Variants in NFIA observed in about 807,000 individuals in gnomAD.
NFIA encodes the protein nuclear factor 1 A-type.
Under a neutral mutation model 62.8 loss-of-function variants are expected in NFIA, and 8 were observed. That is an observed-to-expected ratio of 0.13 (90% confidence interval 0.07 to 0.23). NFIA has a LOEUF of 0.23. Among genes scored for constraint, NFIA ranks in the 10% least tolerant of loss-of-function variants. NFIA has a pLI of 1.00. For synonymous variants in NFIA, 235 were observed against 238.1 expected, an observed-to-expected ratio of 0.99 and a Z score of 0.12; for missense variants, 410 against 642.1, an observed-to-expected ratio of 0.64 and a Z score of 3.91.
chr1:61,368,751 G>T (rs1216273000), intron 6 of NFIA, among the ~76,000 whole-genome samples: 1 of 152,044 alleles, frequency 6.6e-6, no homozygotes, highest in Admixed American at 6.6e-5. Flanking sequence ...TCCTTTTTAG[G>T]GGGTAAATAC....
At chr1:61,186,433 C>T (rs922468102) in intron 2 of NFIA, among the ~76,000 whole-genome samples, 17 of 152,112 alleles carry the variant, frequency 1.1e-4, no homozygotes, top group African/African-American at 3.9e-4. Context: ...GGCAGTGTGG[C>T]GGCTCAGTAC....
At chr1:61,144,745 C>T (rs1326695600) in intron 2 of NFIA, among the ~76,000 whole-genome samples, 1 of 152,156 alleles carries the variant, frequency 6.6e-6, no homozygotes, top group Admixed American at 6.5e-5. Context: ...TCTCCAGGAT[C>T]CAGCACCTGG....
intron 2 of NFIA, among the ~76,000 whole-genome samples, chr1:61,151,074 G>A (rs760514549): frequency 1.3e-5 from 2 of 152,164 alleles, no homozygotes; most frequent in Non-Finnish European, 2.9e-5. Flanking sequence ...TTAGGCTAAC[G>A]AAGTGTCTTC....
In NFIA at chr1:61,229,700, AATTTTAAAT is replaced by A. The variant is rs548906226; in HGVS notation, c.560-47810_560-47802del. 1.6e-3 allele frequency among the ~76,000 whole-genome samples: 243 copies of A among 152,278 alleles called. 1 individual carries two copies. Among genetic ancestry groups the A allele is most frequent in the African/African-American group, 5.6e-3 (232 of 41,562 alleles). Reference sequence around the variant, plus strand: ...CATGCATTTATTGCCTTTTCATTCAAATTTTAAATATTTTAAATGTTGACTTTTCTACAA... The same window carrying A: ...CATGCATTTATTGCCTTTTCATTCAAATTTTAAATGTTGACTTTTCTACAA... On this transcript the variant is annotated intron_variant, in intron 2 of 10. Coordinates refer to ENST00000403491, the MANE Select transcript of NFIA (RefSeq NM_001134673.4).
intron 3 of NFIA, among the ~76,000 whole-genome samples, chr1:61,303,158 T>C (rs1052663744): frequency 6.6e-6 from 1 of 152,204 alleles, no homozygotes; most frequent in African/African-American, 2.4e-5. Flanking sequence ...AAACTGAGGC[T>C]CAAAGCGATT....
At chr1:61,257,869 T>TC (rs1553166039) in intron 2 of NFIA, among the ~76,000 whole-genome samples, 1 of 139,588 alleles carries the variant, frequency 7.2e-6, no homozygotes, top group Non-Finnish European at 1.6e-5. Context: ...CTGTTTTTTT[T>TC]TTTTTTTCTT....
chr1:61,192,027 T>C (rs570884314), intron 2 of NFIA, among the ~76,000 whole-genome samples: 92 of 151,998 alleles, frequency 6.1e-4, no homozygotes, highest in African/African-American at 2.2e-3. Flanking sequence ...TGGTGCAGTC[T>C]CAGCTCACTG....
intron 9 of NFIA, among the ~76,000 whole-genome samples, chr1:61,421,793 T>C (rs1666634052): frequency 6.6e-6 from 1 of 152,178 alleles, no homozygotes; most frequent in East Asian, 1.9e-4. Flanking sequence ...ACGGAAGAAA[T>C]CTGGCTAAAT....
chr1:61,405,428 A>G (rs1665769978), intron 8 of NFIA, among the ~76,000 whole-genome samples: 1 of 152,214 alleles, frequency 6.6e-6, no homozygotes, highest in Non-Finnish European at 1.5e-5. Context: ...AATACTAAAT[A>G]TATAAGTACT....
chr1:61,285,044 C>T (rs1415386663), intron 3 of NFIA, among the ~76,000 whole-genome samples: 1 of 152,130 alleles, frequency 6.6e-6, no homozygotes, highest in Non-Finnish European at 1.5e-5. Flanking sequence ...ACAATTTATG[C>T]AGTATTTGAA....
chr1:61,170,527 G>C (rs1046348510), intron 2 of NFIA, among the ~76,000 whole-genome samples: 2 of 152,158 alleles, frequency 1.3e-5, no homozygotes, highest in Non-Finnish European at 2.9e-5. Flanking sequence ...GCATTTCCCT[G>C]TACTCTAGCC....
chr1:61,212,237 A>G (rs1653311441), intron 2 of NFIA, among the ~76,000 whole-genome samples: 1 of 152,132 alleles, frequency 6.6e-6, no homozygotes, highest in Non-Finnish European at 1.5e-5. Context: ...CTAACATTTC[A>G]CCTTTACTCC....
intron 3 of NFIA, among the ~76,000 whole-genome samples, chr1:61,310,693 T>C (rs772356976): frequency 1.3e-5 from 2 of 151,956 alleles, no homozygotes; most frequent in African/African-American, 2.4e-5. Context: ...GCCACTTGCC[T>C]TCTTTCTTTT....
intron 2 of NFIA, among the ~76,000 whole-genome samples, chr1:61,115,143 C>T (rs1401913488): frequency 3.3e-5 from 5 of 152,116 alleles, no homozygotes; most frequent in African/African-American, 7.2e-5. Context: ...CCACGCCCAG[C>T]TAACTTTTTG....
intron 3 of NFIA, among the ~76,000 whole-genome samples, chr1:61,287,851 C>T (rs1658607355): frequency 6.6e-6 from 1 of 152,306 alleles, no homozygotes; most frequent in African/African-American, 2.4e-5. Context: ...GCAATAGTAA[C>T]AGCAGTGTAT....
chr1:61,231,099 T>C (rs765563220), intron 2 of NFIA, among the ~76,000 whole-genome samples: 13 of 152,312 alleles, frequency 8.5e-5, no homozygotes, highest in Admixed American at 7.2e-4. Context: ...ATCTCTAGCA[T>C]GTAGCTCAGT....
chr1:61,359,227 C>T lies in NFIA; in HGVS notation c.899C>T (p.Ser300Phe). 3 of 1,612,818 alleles carry T rather than the reference C, an allele frequency of 1.9e-6. No individual in the cohort carries two copies. The highest frequency in any genetic ancestry group is 2.5e-6 in the Non-Finnish European group (3 of 1,179,974). The change falls in exon 6 of 11, where the codon TCC becomes TTC. Residue 300 changes from serine to phenylalanine, a missense_variant. Ser to Phe is a radical substitution (Grantham distance 155, BLOSUM62 -2). Coordinates refer to ENST00000403491, the MANE Select transcript of NFIA (RefSeq NM_001134673.4). ...CCATTTTATACAGGCCAAGGGCGCT[C>T]CCCAGGAAGTGGCAGTCAGTCAAGT... The part of the protein sequence containing the change: ...EEPFYTGQGR[S>F]PGSGSQSSGW...
At chr1:61,268,550 C>T (rs367801803) in intron 2 of NFIA, among the ~76,000 whole-genome samples, 2 of 152,062 alleles carry the variant, frequency 1.3e-5, no homozygotes, top group Admixed American at 6.6e-5. Context: ...CTTCTTGAGG[C>T]CTTAACCTTA....
intron 2 of NFIA, among the ~76,000 whole-genome samples, chr1:61,234,389 AGT>A (rs869128850): frequency 7.6e-6 from 1 of 131,760 alleles, no homozygotes; most frequent in Non-Finnish European, 1.6e-5. Flanking sequence ...AAAAAAAAAA[AGT>A]GGCTCCTGAG....
Sources: gnomAD v4.1 joint callset for allele counts (sites outside exome capture counted in the v4.1 genomes callset) on GRCh38, gnomAD v4.1.1 for gene constraint, MANE v1.5 for transcripts, NCBI Gene and HGNC (gene_info 2026-07-23, HGNC 2026-07-21) for gene names.